Variants in MACROD2 observed in about 807,000 individuals in gnomAD.
MACROD2 encodes the protein mono-ADP ribosylhydrolase 2, also known as ADP-ribose glycohydrolase MACROD2.
Under a neutral mutation model 70.4 loss-of-function variants are expected in MACROD2, and 36 were observed. The ratio of observed to expected loss-of-function variants is 0.51; its 90% CI spans 0.39 to 0.68. MACROD2 has a LOEUF of 0.68. Ranked by LOEUF, MACROD2 falls within the 30% of genes least tolerant of loss-of-function variation. The pLI is 0.00. For missense variants in MACROD2, 496 were observed against 538.4 expected (o/e 0.92, Z 0.78); for synonymous variants, 172 against 178.8 (o/e 0.96, Z 0.30).
intron 5 of MACROD2, among the ~76,000 whole-genome samples, chr20:14,789,466 T>C (rs2072421387): frequency 1.8e-5 from 2 of 108,254 alleles, no homozygotes; most frequent in African/African-American, 3.9e-5. Flanking sequence ...GCAAATTTTT[T>C]TTTTTTTTTT....
chr20:14,263,441 T>TA (rs1254440457), intron 3 of MACROD2, among the ~76,000 whole-genome samples: 1 of 152,122 alleles, frequency 6.6e-6, no homozygotes. Flanking sequence ...CTGGTAGAGA[T>TA]ACCATCAGAG....
At chr20:15,347,301 G>T (rs1033037322) in intron 6 of MACROD2, among the ~76,000 whole-genome samples, 1 of 152,014 alleles carries the variant, frequency 6.6e-6, no homozygotes, top group African/African-American at 2.4e-5. Context: ...GAGTTCCAAG[G>T]TATTTTTTTC....
chr20:15,693,166 G>A (rs1179422509), intron 8 of MACROD2, among the ~76,000 whole-genome samples: 1 of 152,140 alleles, frequency 6.6e-6, no homozygotes, highest in Non-Finnish European at 1.5e-5. Context: ...CTTTATAGCA[G>A]TGTGAAAATG....
At chr20:14,910,914 A>G (rs1287232705) in intron 5 of MACROD2, among the ~76,000 whole-genome samples, 2 of 152,148 alleles carry the variant, frequency 1.3e-5, no homozygotes, top group Admixed American at 6.5e-5. Flanking sequence ...TAAGAATTTC[A>G]TTTTCAATCC....
chr20:14,397,814 C>T (rs2083596488), intron 3 of MACROD2, among the ~76,000 whole-genome samples: 1 of 152,076 alleles, frequency 6.6e-6, no homozygotes, highest in Non-Finnish European at 1.5e-5. Flanking sequence ...TCCACAGTGC[C>T]ATAGAACACT....
intron 3 of MACROD2, among the ~76,000 whole-genome samples, chr20:14,366,659 C>A (rs1390021763): frequency 3.3e-5 from 5 of 152,098 alleles, no homozygotes; most frequent in Non-Finnish European, 5.9e-5. Context: ...GCCACCACAC[C>A]CGGCCAACAA....
intron 7 of MACROD2, among the ~76,000 whole-genome samples, chr20:15,448,023 C>G (rs1209258589): frequency 1.3e-5 from 2 of 152,106 alleles, no homozygotes; most frequent in Non-Finnish European, 2.9e-5. Flanking sequence ...CTCTGCCTCC[C>G]CTTTCCTTGG....
At chr20:15,075,504 T>G (rs560062195) in intron 5 of MACROD2, among the ~76,000 whole-genome samples, 1 of 152,154 alleles carries the variant, frequency 6.6e-6, no homozygotes, top group African/African-American at 2.4e-5. Context: ...TCAGGGCTGT[T>G]TAAATCAGTT....
rs3223712 is a variant in MACROD2, at chr20:15,295,595, T to TCACA, written c.540+65565_540+65568dup. 3.5e-3 allele frequency among the ~76,000 whole-genome samples: 516 copies of TCACA among 148,048 alleles called. 1 individual carries two copies. Among genetic ancestry groups the TCACA allele is most frequent in the African/African-American group, 0.01 (418 of 40,216 alleles). On this transcript the variant is annotated intron_variant, in intron 6 of 17. Transcript: ENST00000684519. The stretch of plus-strand genomic sequence containing the variant: ...ATGCAATACTTATCAATGTCTGTCA[T>TCACA]CACACACACACACACACACACACAC...
intron 3 of MACROD2, among the ~76,000 whole-genome samples, chr20:14,459,524 G>A (rs1383670545): frequency 6.6e-6 from 1 of 151,754 alleles, no homozygotes; most frequent in African/African-American, 2.4e-5. Flanking sequence ...GTGTATGTAT[G>A]TAGGTAGGTA....
chr20:14,411,719 T>A (rs892451087), intron 3 of MACROD2, among the ~76,000 whole-genome samples: 1 of 152,088 alleles, frequency 6.6e-6, no homozygotes, highest in Non-Finnish European at 1.5e-5. Context: ...TCTTGTTTTA[T>A]TTTTCTTCTC....
chr20:14,000,747 C>T (rs1166109111), intron 1 of MACROD2, among the ~76,000 whole-genome samples: 2 of 152,114 alleles, frequency 1.3e-5, no homozygotes, highest in African/African-American at 4.8e-5. Flanking sequence ...GCATGTTTTC[C>T]TGTGTCCTAG....
rs138605202 is a variant in MACROD2, at chr20:14,675,952, A to G, written c.302-8891A>G. Reference sequence around the variant, plus strand: ...CCAACAAAGATTAAAAAAAAGACAAAGGCATTACATAATGGTAAAGGGATC... The same window carrying G: ...CCAACAAAGATTAAAAAAAAGACAAGGGCATTACATAATGGTAAAGGGATC... On this transcript the variant is annotated intron_variant, in intron 4 of 17. Transcript: ENST00000684519. Among the ~76,000 whole-genome samples, 807 of 152,052 alleles carry G rather than the reference A, an allele frequency of 5.3e-3. 15 individuals are homozygous for G. Among genetic ancestry groups the G allele is most frequent in the African/African-American group, 0.018 (765 of 41,514 alleles).
At chr20:15,423,397 T>C (rs2046255544) in intron 6 of MACROD2, among the ~76,000 whole-genome samples, 1 of 152,224 alleles carries the variant, frequency 6.6e-6, no homozygotes, top group African/African-American at 2.4e-5. Context: ...TCAAGTCACA[T>C]GCTCAAGTCT....
chr20:14,352,727 C>A (rs2083134958), intron 3 of MACROD2, among the ~76,000 whole-genome samples: 1 of 150,948 alleles, frequency 6.6e-6, no homozygotes, highest in Non-Finnish European at 1.5e-5. Context: ...TCTTTTTCTT[C>A]TTTTTCTCGT....
chr20:14,748,295 T>C (rs966187317), intron 5 of MACROD2, among the ~76,000 whole-genome samples: 6 of 152,122 alleles, frequency 3.9e-5, no homozygotes, highest in African/African-American at 1.4e-4. Flanking sequence ...TCATTATTTT[T>C]ACTCTCTGTC....
chr20:15,285,920 A>G (rs1217231016), intron 6 of MACROD2, among the ~76,000 whole-genome samples: 1 of 152,074 alleles, frequency 6.6e-6, no homozygotes, highest in Admixed American at 6.6e-5. Context: ...ATATGTGGCA[A>G]TTCTAAATGA....
intron 7 of MACROD2, among the ~76,000 whole-genome samples, chr20:15,475,113 T>C (rs2047005821): frequency 6.6e-6 from 1 of 152,230 alleles, no homozygotes; most frequent in Non-Finnish European, 1.5e-5. Context: ...TATTAGGTAT[T>C]ATAAGTAATC....
At chr20:15,018,136 A>C (rs1012061097) in intron 5 of MACROD2, among the ~76,000 whole-genome samples, 5 of 152,166 alleles carry the variant, frequency 3.3e-5, no homozygotes, top group African/African-American at 9.6e-5. Flanking sequence ...TGCTTCCCTT[A>C]TAAAACTGAA....
Sources: gnomAD v4.1 joint callset for allele counts (sites outside exome capture counted in the v4.1 genomes callset) on GRCh38, gnomAD v4.1.1 for gene constraint, MANE v1.5 for transcripts, NCBI Gene and HGNC (gene_info 2026-07-23, HGNC 2026-07-21) for gene names.